Variants in FGD4 observed in about 807,000 individuals in gnomAD.
The protein encoded by FGD4 is FYVE, RhoGEF and PH domain containing 4, also known as FYVE, RhoGEF and PH domain-containing protein 4.
A neutral mutation model predicts 102.0 loss-of-function variants in FGD4; 42 were observed. The ratio of observed to expected loss-of-function variants is 0.41; its 90% confidence interval spans 0.32 to 0.53. The LOEUF (loss-of-function observed/expected upper bound fraction) is 0.53, where lower values mean the gene tolerates loss of function less well. FGD4 is among the 20% of genes least tolerant of loss of function. FGD4 has a pLI of 0.21. For missense variants in FGD4, 902 were observed against 1,078.2 expected, an observed-to-expected ratio of 0.84 and a Z score of 2.29; for synonymous variants, 380 against 375.7, an observed-to-expected ratio of 1.01 and a Z score of -0.13.
chr12:32,496,101 A>T (rs1315333453), intron 1 of FGD4, among the ~76,000 whole-genome samples: 1 of 152,208 alleles, frequency 6.6e-6, no homozygotes, highest in African/African-American at 2.4e-5. Context: ...TGATCATTAC[A>T]TTTTTGCTGA....
At chr12:32,622,718 A>G (rs934811633) in intron 11 of FGD4, among the ~76,000 whole-genome samples, 1 of 152,108 alleles carries the variant, frequency 6.6e-6, no homozygotes, top group Non-Finnish European at 1.5e-5. Context: ...TCAGCTTCCC[A>G]GAGTAGCTGG....
intron 1 of FGD4, among the ~76,000 whole-genome samples, chr12:32,554,787 C>T (rs1387473387): frequency 6.6e-6 from 1 of 152,214 alleles, no homozygotes; most frequent in Non-Finnish European, 1.5e-5. Flanking sequence ...GGGGGAAGAA[C>T]TTTCCAGCAC....
chr12:32,438,785 T>C lies in FGD4; in HGVS notation c.166+38826T>C, dbSNP rs112125553. ...CACGCCCAGCTAATTTTCTGTGTTT[T>C]TTTTAGTAGAGACGGGGTTTCACCA... On this transcript the variant is annotated intron_variant, in intron 1 of 16. Transcript: ENST00000534526. Among the ~76,000 whole-genome samples, 7 of 152,184 alleles carry C rather than the reference T, an allele frequency of 4.6e-5. 1 individual carries two copies. Among genetic ancestry groups the C allele is most frequent in the African/African-American group, 1.7e-4 (7 of 41,522 alleles).
At chr12:32,485,996 A>G (rs886235100) in intron 1 of FGD4, 1 of 1,377,774 alleles carries the variant, frequency 7.3e-7, no homozygotes, top group Non-Finnish European at 9.3e-7. Flanking sequence ...CATGTTGAAC[A>G]CTAGATGTGT....
chr12:32,589,666 T>C (rs1780412716), intron 4 of FGD4, among the ~76,000 whole-genome samples: 1 of 152,210 alleles, frequency 6.6e-6, no homozygotes, highest in Admixed American at 6.5e-5. Flanking sequence ...ACCACTTACT[T>C]CCTGTCTGAT....
chr12:32,547,838 C>G (rs1046878216), intron 1 of FGD4, among the ~76,000 whole-genome samples: 4 of 152,144 alleles, frequency 2.6e-5, no homozygotes, highest in African/African-American at 9.7e-5. Flanking sequence ...TCCTGAGTAG[C>G]TCTGATTATA....
intron 7 of FGD4, among the ~76,000 whole-genome samples, chr12:32,604,004 C>A (rs1023529329): frequency 6.6e-6 from 1 of 152,200 alleles, no homozygotes; most frequent in Non-Finnish European, 1.5e-5. Context: ...GAGATCCCCC[C>A]CAGCACTTTG....
At chr12:32,618,651 G>C (rs1328992389) in intron 10 of FGD4, among the ~76,000 whole-genome samples, 1 of 152,076 alleles carries the variant, frequency 6.6e-6, no homozygotes, top group African/African-American at 2.4e-5. Context: ...GGGCAACATA[G>C]CTAGACCCTG....
intron 1 of FGD4, among the ~76,000 whole-genome samples, chr12:32,512,282 A>C (rs1419142812): frequency 6.6e-6 from 1 of 152,018 alleles, no homozygotes. Flanking sequence ...CTCCCTCTCT[A>C]CTAAAAATTA....
chr12:32,413,565 T>TG (rs1370461401), intron 1 of FGD4, among the ~76,000 whole-genome samples: 10 of 152,208 alleles, frequency 6.6e-5, no homozygotes, highest in Non-Finnish European at 1.5e-4. Flanking sequence ...CTGTGCTGCA[T>TG]GCATCTTTGG....
At chr12:32,580,412 A>C (rs1946508959) in intron 3 of FGD4, among the ~76,000 whole-genome samples, 1 of 152,198 alleles carries the variant, frequency 6.6e-6, no homozygotes, top group South Asian at 2.1e-4. Flanking sequence ...ATATTTATTG[A>C]GTACTTCCCC....
intron 1 of FGD4, among the ~76,000 whole-genome samples, chr12:32,438,308 A>G (rs1942301603): frequency 6.6e-6 from 1 of 152,200 alleles, no homozygotes; most frequent in South Asian, 2.1e-4. Context: ...CATAGAGCGG[A>G]CTTGGGATAA....
intron 4 of FGD4, among the ~76,000 whole-genome samples, chr12:32,585,563 C>T (rs527307518): frequency 6.6e-6 from 1 of 151,912 alleles, no homozygotes; most frequent in Non-Finnish European, 1.5e-5. Flanking sequence ...GGGCCAGGTG[C>T]AGTGGCTCAC....
intron 1 of FGD4, chr12:32,556,875 T>A (rs2064644265): frequency 6.6e-6 from 1 of 152,242 alleles, no homozygotes; most frequent in Non-Finnish European, 1.5e-5. Context: ...GTTTTTAAGA[T>A]GGAGTCTCAC....
intron 1 of FGD4, among the ~76,000 whole-genome samples, chr12:32,447,959 CT>C (rs1942668068): frequency 6.6e-6 from 1 of 152,212 alleles, no homozygotes; most frequent in African/African-American, 2.4e-5. Flanking sequence ...TATATTTTCA[CT>C]GTTTGTTTTT....
chr12:32,457,792 A>G (rs1470477362), intron 1 of FGD4, among the ~76,000 whole-genome samples: 1 of 152,192 alleles, frequency 6.6e-6, no homozygotes, highest in East Asian at 1.9e-4. Flanking sequence ...AATAGAATGC[A>G]AATTGCAGTG....
chr12:32,535,499 C>T (rs1178761194), intron 1 of FGD4, among the ~76,000 whole-genome samples: 2 of 152,120 alleles, frequency 1.3e-5, no homozygotes, highest in African/African-American at 4.8e-5. Context: ...GGTTAAGCAG[C>T]CCAGTCCATG....
chr12:32,534,653 A>G (rs1942087974), intron 1 of FGD4, among the ~76,000 whole-genome samples: 1 of 152,202 alleles, frequency 6.6e-6, no homozygotes, highest in African/African-American at 2.4e-5. Flanking sequence ...AGATTAAAAT[A>G]TGTGCTATTG....
intron 1 of FGD4, among the ~76,000 whole-genome samples, chr12:32,498,355 A>C (rs1937951637): frequency 6.6e-6 from 1 of 152,108 alleles, no homozygotes; most frequent in South Asian, 2.1e-4. Flanking sequence ...ATTTTTGCAA[A>C]GTCGAGGGTT....
Sources: gnomAD v4.1 joint callset for allele counts (sites outside exome capture counted in the v4.1 genomes callset) on GRCh38, gnomAD v4.1.1 for gene constraint, MANE v1.5 for transcripts, NCBI Gene and HGNC (gene_info 2026-07-23, HGNC 2026-07-21) for gene names.